The following NCK1 variants were observed in gnomAD, a reference collection of about 807,000 sequenced individuals.
The protein encoded by NCK1 is SH2/SH3 adapter protein NCK1.
NCK1 carries 19 observed loss-of-function variants against 36.6 expected under a neutral mutation model. That is an observed-to-expected ratio of 0.52 (90% confidence interval 0.36 to 0.76). The LOEUF (loss-of-function observed/expected upper bound fraction) is 0.76, where lower values mean the gene tolerates loss of function less well. Among genes scored for constraint, NCK1 ranks in the 30% least tolerant of loss-of-function variants. NCK1 has a pLI of 0.00. For missense variants in NCK1, 358 were observed against 445.6 expected (o/e 0.80, Z 1.77); for synonymous variants, 165 against 156.0 (o/e 1.06, Z -0.43).
chr3:136,909,708 T>G (rs1432002995), intron 1 of NCK1, among the ~76,000 whole-genome samples: 1 of 152,230 alleles, frequency 6.6e-6, no homozygotes, highest in African/African-American at 2.4e-5. Flanking sequence ...TAGAACTGTC[T>G]TGTTTCTCCC....
chr3:136,887,918 GTTTC>G (rs2108084557), intron 1 of NCK1, among the ~76,000 whole-genome samples: 2 of 150,036 alleles, frequency 1.3e-5, no homozygotes, highest in East Asian at 3.9e-4. Flanking sequence ...CGCCTTTATT[GTTTC>G]TTTTCTTTCT....
intron 1 of NCK1, among the ~76,000 whole-genome samples, chr3:136,905,083 G>A (rs2108104828): frequency 6.7e-6 from 1 of 149,634 alleles, no homozygotes; most frequent in South Asian, 2.1e-4. Context: ...CACGATCTCA[G>A]CTAACTGCAA....
At chr3:136,881,712 A>G (rs1040290892) in intron 1 of NCK1, among the ~76,000 whole-genome samples, 2 of 152,252 alleles carry the variant, frequency 1.3e-5, no homozygotes, top group South Asian at 2.1e-4. Context: ...GGCAACCACT[A>G]TTCTTCATGT....
intron 1 of NCK1, among the ~76,000 whole-genome samples, chr3:136,916,386 G>A (rs1939964798): frequency 6.6e-6 from 1 of 152,100 alleles, no homozygotes; most frequent in African/African-American, 2.4e-5. Context: ...TTATGTATGT[G>A]AACTCACTCA....
At chr3:136,897,643 T>C (rs1442362025) in intron 1 of NCK1, among the ~76,000 whole-genome samples, 3 of 152,196 alleles carry the variant, frequency 2.0e-5, no homozygotes, top group African/African-American at 7.2e-5. Flanking sequence ...TGTTGAATAG[T>C]TCGCACATAT....
chr3:136,936,958 A>G (rs1940546911), intron 2 of NCK1, among the ~76,000 whole-genome samples: 1 of 152,206 alleles, frequency 6.6e-6, no homozygotes, highest in Non-Finnish European at 1.5e-5. Context: ...GTTATACACA[A>G]ATGTTTTCAA....
intron 1 of NCK1, among the ~76,000 whole-genome samples, chr3:136,920,493 A>G (rs113839511): frequency 1.3e-5 from 2 of 152,180 alleles, no homozygotes; most frequent in Non-Finnish European, 2.9e-5. Context: ...TTTGCTCTTA[A>G]AAAAACCTCA....
intron 1 of NCK1, among the ~76,000 whole-genome samples, chr3:136,870,355 T>A (rs1405932453): frequency 3.5e-5 from 5 of 141,850 alleles, no homozygotes; most frequent in Admixed American, 2.2e-4. Context: ...AAAAAAAAAA[T>A]TCATCCTTTT....
chr3:136,891,793 G>A (rs1939253188), intron 1 of NCK1, among the ~76,000 whole-genome samples: 1 of 152,106 alleles, frequency 6.6e-6, no homozygotes, highest in African/African-American at 2.4e-5. Context: ...TCTAAGGGAT[G>A]GTGATATGAT....
rs138933789 is a variant in NCK1, at chr3:136,876,909, T to A, written c.-19+14556T>A. ...AGATACAGATGTTTATTTAAAATGT[T>A]GCTGACTGTTGCCAAACTGCTATTT... On this transcript the variant is annotated intron_variant, in intron 1 of 3. Transcript: ENST00000481752. Among the ~76,000 whole-genome samples the A allele has an allele frequency of 6.7e-3, 1,016 of 152,304 alleles. 16 individuals are homozygous for A. Among genetic ancestry groups the A allele is most frequent in the African/African-American group, 0.023 (966 of 41,572 alleles).
chr3:136,867,775 A>T (rs1197876852), intron 1 of NCK1, among the ~76,000 whole-genome samples: 1 of 152,164 alleles, frequency 6.6e-6, no homozygotes, highest in African/African-American at 2.4e-5. Flanking sequence ...TTCTGACGCA[A>T]GTTCTGTGTG....
intron 1 of NCK1, chr3:136,889,140 T>C (rs9856828): frequency 0.69 from 102,054 of 147,782 alleles, 35,127 homozygotes; most frequent in East Asian, 0.87. Flanking sequence ...GATCTTCCCA[T>C]CTCTGCCTCC....
chr3:136,943,331 A>G (rs1300762221), intron 2 of NCK1, among the ~76,000 whole-genome samples: 1 of 152,232 alleles, frequency 6.6e-6, no homozygotes, highest in Non-Finnish European at 1.5e-5. Context: ...TAAGAAAATT[A>G]GGAAGGAAGA....
chr3:136,938,514 A>G (rs892285230), intron 2 of NCK1, among the ~76,000 whole-genome samples: 3 of 152,110 alleles, frequency 2.0e-5, no homozygotes, highest in African/African-American at 7.2e-5. Flanking sequence ...TGTGCAGTCT[A>G]TTTAGTACCA....
intron 1 of NCK1, among the ~76,000 whole-genome samples, chr3:136,876,935 A>G (rs193007281): frequency 1.4e-4 from 22 of 152,326 alleles, no homozygotes; most frequent in Admixed American, 1.4e-3. Flanking sequence ...ACTGCTATTT[A>G]GAAAAGACAT....
chr3:136,923,486 C>T (rs923637646), intron 1 of NCK1, among the ~76,000 whole-genome samples: 1 of 151,896 alleles, frequency 6.6e-6, no homozygotes, highest in East Asian at 1.9e-4. Context: ...ACCTGGGAGG[C>T]GGAGGTTGCA....
chr3:136,867,405 A>ATTTTTTTTTTT (rs34322362), intron 1 of NCK1: 6 of 101,590 alleles, frequency 5.9e-5, no homozygotes, highest in Non-Finnish European at 7.3e-5. Flanking sequence ...TGTCTGGCTA[A>ATTTTTTTTTTT]TTTTTTTTTT....
Position 136,948,531 on chromosome 3 carries a change from C to T in NCK1, c.*78C>T, listed in dbSNP as rs1359105903. 1.6e-5 allele frequency: 20 copies of T among 1,271,592 alleles called. No individual in the cohort carries two copies. The highest frequency in any genetic ancestry group is 2.5e-4 in the Middle Eastern group (1 of 3,938). 78.8% of individuals were successfully genotyped at this position (1,271,592 alleles called of 1,614,324 possible). A position where few individuals can be genotyped will look rare whatever the true frequency, so the allele number is the denominator to read the frequency against. Reference sequence around the variant, plus strand: ...AGACTGAGAAAATGTTGGGTCCAGTCGTGCTTGATTGGAAATTGTTGTTTC... The same window carrying T: ...AGACTGAGAAAATGTTGGGTCCAGTTGTGCTTGATTGGAAATTGTTGTTTC... On this transcript the variant is annotated 3_prime_UTR_variant, in exon 4 of 4. Transcript: ENST00000481752.
At chr3:136,939,551 C>A (rs974734557) in intron 2 of NCK1, among the ~76,000 whole-genome samples, 1 of 151,860 alleles carries the variant, frequency 6.6e-6, no homozygotes. Context: ...GTTGGTAATT[C>A]GAGATCTTTC....
Sources: gnomAD v4.1 joint callset for allele counts (sites outside exome capture counted in the v4.1 genomes callset) on GRCh38, gnomAD v4.1.1 for gene constraint, MANE v1.5 for transcripts, NCBI Gene and HGNC (gene_info 2026-07-23, HGNC 2026-07-21) for gene names.